Variants in PLAGL1 observed in about 807,000 individuals in gnomAD.
PLAGL1 encodes the protein zinc finger protein PLAGL1.
Under a neutral mutation model 4.6 loss-of-function variants are expected in PLAGL1, and 1 was observed. The observed-to-expected ratio is 0.22, with a 90% CI of 0.08 to 1.03. The LOEUF (loss-of-function observed/expected upper bound fraction) is 1.03. Among genes scored for constraint, PLAGL1 ranks in the 50% least tolerant of loss-of-function variants. The probability of loss-of-function intolerance (pLI) is 0.58; values close to 1 mark genes in which losing one functional copy is unlikely to be tolerated. For missense variants in PLAGL1, 464 were observed against 570.4 expected, an observed-to-expected ratio of 0.81 and a Z score of 1.90; for synonymous variants, 240 against 237.8, an observed-to-expected ratio of 1.01 and a Z score of -0.08.
chr6:143,993,013 A>G (rs1244934340), intron 1 of PLAGL1, among the ~76,000 whole-genome samples: 5 of 149,542 alleles, frequency 3.3e-5, no homozygotes, highest in Non-Finnish European at 1.5e-5. Context: ...CACACACAGA[A>G]AAAAACAGAA....
chr6:144,032,508 T>C (rs757624231), intron 1 of PLAGL1, among the ~76,000 whole-genome samples: 2 of 152,112 alleles, frequency 1.3e-5, no homozygotes, highest in Non-Finnish European at 2.9e-5. Context: ...AGTGGTAAAA[T>C]AGTGTCATAA....
rs185056696 is a variant in PLAGL1 at position 143,966,617 on chromosome 6, C to G, written c.-471-419G>C. On this transcript the variant is annotated intron_variant, in intron 3 of 7. Coordinates refer to ENST00000674357, the MANE Select transcript of PLAGL1 (RefSeq NM_001317162.2). This position sits in a 1 kb window ranked among gnomAD's most constrained non-coding sequence, Gnocchi z 6.0. Reference sequence around the variant, plus strand: ...TGATTGTGTGTTTTATGAACCACCTCTAATTCCTACTGCTGGAACAAAAAG... The same window carrying G: ...TGATTGTGTGTTTTATGAACCACCTGTAATTCCTACTGCTGGAACAAAAAG... 2 of 152,262 alleles carry G rather than the reference C, an allele frequency of 1.3e-5. No individual in the cohort carries two copies. Among genetic ancestry groups the G allele is most frequent in the South Asian group, 2.1e-4 (1 of 4,822 alleles). 9.4% of individuals were successfully genotyped at this position (152,262 alleles called of 1,614,324 possible). A position where few individuals can be genotyped will look rare whatever the true frequency, so the allele number is the denominator to read the frequency against.
At chr6:144,023,370 G>A (rs929588645) in intron 1 of PLAGL1, among the ~76,000 whole-genome samples, 2 of 151,966 alleles carry the variant, frequency 1.3e-5, no homozygotes, top group African/African-American at 2.4e-5. Flanking sequence ...TAGCACAAAG[G>A]GTAAACCTTA....
At chr6:143,951,221 AACCTAAATAAAC>A (rs1218617898) in intron 6 of PLAGL1, among the ~76,000 whole-genome samples, 1 of 152,250 alleles carries the variant, frequency 6.6e-6, no homozygotes, top group African/African-American at 2.4e-5. Context: ...AGCACACTGT[AACCTAAATAAAC>A]ACCCTACAAA....
chr6:144,003,440 C>T (rs62427127), intron 1 of PLAGL1, among the ~76,000 whole-genome samples: 17,280 of 151,920 alleles, frequency 0.11, 1,255 homozygotes, highest in South Asian at 0.2. Flanking sequence ...CTGGCCAACG[C>T]GGTGAAACCC....
rs1227554842 is a variant in PLAGL1 at position 143,949,355 on chromosome 6, A to G, written c.-324-895T>C. Among the ~76,000 whole-genome samples, 1 of 152,064 alleles carries G rather than the reference A, an allele frequency of 6.6e-6. No individual in the cohort carries two copies. The highest frequency in any genetic ancestry group is 2.4e-5 in the African/African-American group (1 of 41,392). ...CTACCAATTGGCCATCATTGGAGGAACCTGAAGTGTCTGAGCCTGCATCAT... is the reference window on the plus strand; with the variant it reads ...CTACCAATTGGCCATCATTGGAGGAGCCTGAAGTGTCTGAGCCTGCATCAT... On this transcript the variant is annotated intron_variant, in intron 6 of 7. Coordinates refer to ENST00000674357, the MANE Select transcript of PLAGL1 (RefSeq NM_001317162.2). The surrounding 1 kb of genome is among the most constrained non-coding windows in gnomAD (Gnocchi z 5.3).
chr6:144,062,948 T>C (rs1431920824), intron 1 of PLAGL1, among the ~76,000 whole-genome samples: 1 of 152,182 alleles, frequency 6.6e-6, no homozygotes, highest in Non-Finnish European at 1.5e-5. Flanking sequence ...CTTTGGTTCT[T>C]GAGAAGAGGA....
intron 1 of PLAGL1, among the ~76,000 whole-genome samples, chr6:144,024,288 T>C (rs549498569): frequency 6.6e-6 from 1 of 152,272 alleles, no homozygotes; most frequent in South Asian, 2.1e-4. Flanking sequence ...AGCATTCATG[T>C]GAGGGGTGGG....
rs1329949712 is a variant in PLAGL1 at position 143,959,622 on chromosome 6, A to G, written c.-325+847T>C. On this transcript the variant is annotated intron_variant, in intron 6 of 7. Transcript: ENST00000674357. This position sits in a 1 kb window ranked among gnomAD's most constrained non-coding sequence, Gnocchi z 5.3. ...CATAAAGCTCTCTCATGCTATTCCA[A>G]TAATTTCCATCTCATAGCCCTAAGA... Among the ~76,000 whole-genome samples, 1 of 152,230 alleles carries G rather than the reference A, an allele frequency of 6.6e-6. No individual in the cohort carries two copies. The highest frequency in any genetic ancestry group is 1.5e-5 in the Non-Finnish European group (1 of 68,038).
chr6:144,033,221 T>C (rs563143341), intron 1 of PLAGL1, among the ~76,000 whole-genome samples: 1 of 152,324 alleles, frequency 6.6e-6, no homozygotes, highest in Admixed American at 6.5e-5. Context: ...GCCTGGAATA[T>C]ACAAAGAATG....
At chr6:144,038,720 T>C (rs959087669) in intron 1 of PLAGL1, among the ~76,000 whole-genome samples, 1 of 152,142 alleles carries the variant, frequency 6.6e-6, no homozygotes, top group Non-Finnish European at 1.5e-5. Context: ...TGTGAAGAAA[T>C]CAATCACAAA....
chr6:144,005,264 AG>A lies in PLAGL1; in HGVS notation c.-584+2825del, dbSNP rs1414486579. Reference sequence around the variant, plus strand: ...TACTTTCTACAAATCTCTTAGGGGAAGAAAAAATATCACAATGAAAAAATCT... The same window carrying A: ...TACTTTCTACAAATCTCTTAGGGGAAAAAAAATATCACAATGAAAAAATCT... On this transcript the variant is annotated intron_variant, in intron 1 of 7. Transcript: ENST00000674357. The surrounding 1 kb of genome is among the most constrained non-coding windows in gnomAD (Gnocchi z 4.6). The A allele has an allele frequency of 6.6e-6, 1 of 152,180 alleles. No homozygotes were observed. Among genetic ancestry groups the A allele is most frequent in the Non-Finnish European group, 1.5e-5 (1 of 68,016 alleles). The allele number at this position is 152,180 out of a possible 1,614,324, so 9.4% of individuals were successfully genotyped here. A position where few individuals can be genotyped will look rare whatever the true frequency, so the allele number is the denominator to read the frequency against.
rs888133782 is a variant in PLAGL1, at chr6:143,994,068, G to A, written c.-583-8894C>T. ...AAAAAAAAAAGAAAAGAACTCCCTA[G>A]GGGCAAGGCCAGTACTTCTGAAAAT... On this transcript the variant is annotated intron_variant, in intron 1 of 7. Transcript: ENST00000674357. This position sits in a 1 kb window ranked among gnomAD's most constrained non-coding sequence, Gnocchi z 4.3. Among the ~76,000 whole-genome samples the A allele has an allele frequency of 1.3e-5, 2 of 151,516 alleles. No individual in the cohort carries two copies. Among genetic ancestry groups the A allele is most frequent in the African/African-American group, 4.8e-5 (2 of 41,296 alleles).
intron 2 of PLAGL1, among the ~76,000 whole-genome samples, chr6:143,977,374 TCTTTTA>T (rs1286688431): frequency 2.0e-5 from 3 of 152,126 alleles, no homozygotes; most frequent in African/African-American, 7.2e-5. Context: ...GAGACTGGCT[TCTTTTA>T]CTTTAGTAAT....
At chr6:144,026,473 T>C (rs1796349731) in intron 1 of PLAGL1, among the ~76,000 whole-genome samples, 1 of 152,206 alleles carries the variant, frequency 6.6e-6, no homozygotes, top group Non-Finnish European at 1.5e-5. Flanking sequence ...TATTCCACCA[T>C]ATCTCCAGAA....
At chr6:143,977,439 C>CTTT (rs958256573) in intron 2 of PLAGL1, among the ~76,000 whole-genome samples, 2 of 110,620 alleles carry the variant, frequency 1.8e-5, no homozygotes, top group Non-Finnish European at 3.9e-5. Flanking sequence ...TAGCTCACTT[C>CTTT]TTTTTTTTTT....
chr6:144,062,380 C>CAAAA (rs60916927), intron 1 of PLAGL1, among the ~76,000 whole-genome samples: 1 of 85,948 alleles, frequency 1.2e-5, no homozygotes, highest in Non-Finnish European at 2.5e-5. Flanking sequence ...CCGTCTCAAA[C>CAAAA]AAAAAAAAAA....
rs904822387 is a variant in PLAGL1 at position 144,059,242 on chromosome 6, C to G, written c.-151+5226G>C. Among the ~76,000 whole-genome samples, 4 of 152,226 alleles carry G rather than the reference C, an allele frequency of 2.6e-5. No homozygotes were observed. The highest frequency in any genetic ancestry group is 5.9e-5 in the Non-Finnish European group (4 of 68,044). On this transcript the variant is annotated intron_variant, in intron 1 of 3. Transcript: ENST00000437412. The surrounding 1 kb of genome is among the most constrained non-coding windows in gnomAD (Gnocchi z 4.9). ...CCACAGCCGGAGCTCTACCTGGGGC[C>G]CTTTGAACCAAGACTGGAACTGGAG...
chr6:144,049,036 C>A (rs1467033405), intron 1 of PLAGL1, among the ~76,000 whole-genome samples: 1 of 152,136 alleles, frequency 6.6e-6, no homozygotes, highest in Non-Finnish European at 1.5e-5. Flanking sequence ...TGCCAGTTAC[C>A]CTAAATAATC....
Sources: allele counts gnomAD v4.1 joint callset (sites outside exome capture counted in the v4.1 genomes callset), GRCh38; gene constraint gnomAD v4.1.1; non-coding constraint Gnocchi (gnomAD v3.1); transcripts MANE v1.5; gene names NCBI Gene and HGNC (gene_info 2026-07-23, HGNC 2026-07-21).